The following CSMD3 variants were observed in gnomAD, a reference collection of about 807,000 sequenced individuals.
CSMD3 encodes CUB and sushi domain-containing protein 3.
A neutral mutation model predicts 435.2 loss-of-function variants in CSMD3; 177 were observed. The ratio of observed to expected loss-of-function variants is 0.41; its 90% CI spans 0.36 to 0.46. The LOEUF (loss-of-function observed/expected upper bound fraction) is 0.46, where lower values mean the gene tolerates loss of function less well. Ranked by LOEUF, CSMD3 falls within the 20% of genes least tolerant of loss-of-function variation. The pLI is 0.34. For missense variants in CSMD3, 4,265 were observed against 4,504.6 expected, an observed-to-expected ratio of 0.95 and a Z score of 1.52; for synonymous variants, 1,656 against 1,520.5, an observed-to-expected ratio of 1.09 and a Z score of -2.07.
chr8:112,949,541 T>A (rs1459792855), intron 8 of CSMD3, among the ~76,000 whole-genome samples: 1 of 152,056 alleles, frequency 6.6e-6, no homozygotes, highest in African/African-American at 2.4e-5. Context: ...TGACTTCTAA[T>A]TCTTTTGAAG....
intron 13 of CSMD3, among the ~76,000 whole-genome samples, chr8:112,786,958 C>G (rs1314593406): frequency 6.6e-6 from 1 of 152,054 alleles, no homozygotes; most frequent in Non-Finnish European, 1.5e-5. Flanking sequence ...TGTTCAACTC[C>G]CACTTATGAG....
At chr8:112,889,378 A>G (rs532421993) in intron 10 of CSMD3, among the ~76,000 whole-genome samples, 2 of 151,758 alleles carry the variant, frequency 1.3e-5, no homozygotes, top group East Asian at 2.0e-4. Flanking sequence ...ATTCTTCCAT[A>G]TCATTAAAGA....
chr8:113,236,522 A>G (rs533687781), intron 3 of CSMD3, among the ~76,000 whole-genome samples: 1 of 151,556 alleles, frequency 6.6e-6, no homozygotes, highest in Non-Finnish European at 1.5e-5. Context: ...GTCTCTCTCT[A>G]TCTCTCTCTC....
chr8:112,870,249 A>G (rs1406221347), intron 10 of CSMD3, among the ~76,000 whole-genome samples: 2 of 150,840 alleles, frequency 1.3e-5, no homozygotes, highest in African/African-American at 2.4e-5. Flanking sequence ...ATGAGACACC[A>G]TCTCACGTCA....
chr8:112,479,845 C>G (rs1819459712), intron 31 of CSMD3, among the ~76,000 whole-genome samples: 1 of 152,174 alleles, frequency 6.6e-6, no homozygotes, highest in Non-Finnish European at 1.5e-5. Flanking sequence ...AGTGCAATGC[C>G]AAGGGGAAAT....
intron 59 of CSMD3, among the ~76,000 whole-genome samples, chr8:112,266,020 G>A (rs910481787): frequency 6.6e-6 from 1 of 152,096 alleles, no homozygotes; most frequent in Non-Finnish European, 1.5e-5. Context: ...ATTTTCTGCA[G>A]TGTCACTCAG....
At chr8:112,342,648 G>A (rs772312893) in intron 41 of CSMD3, among the ~76,000 whole-genome samples, 7 of 151,966 alleles carry the variant, frequency 4.6e-5, no homozygotes, top group Non-Finnish European at 8.8e-5. Flanking sequence ...ACTGCAAACC[G>A]AGGCATTCAG....
chr8:112,665,050 CCTAA>C (rs747497829), intron 17 of CSMD3, among the ~76,000 whole-genome samples: 11 of 152,114 alleles, frequency 7.2e-5, no homozygotes, highest in Non-Finnish European at 1.2e-4. Context: ...GAAATGGCAA[CCTAA>C]CTAAGAGTAT....
chr8:112,245,395 T>A (rs1287429208), intron 64 of CSMD3, among the ~76,000 whole-genome samples: 4 of 152,124 alleles, frequency 2.6e-5, no homozygotes, highest in African/African-American at 9.7e-5. Context: ...ATAAAAGTGA[T>A]CTCTGAAAAA....
At chr8:112,499,873 C>A (rs1047917604) in intron 30 of CSMD3, among the ~76,000 whole-genome samples, 2 of 151,828 alleles carry the variant, frequency 1.3e-5, no homozygotes, top group Non-Finnish European at 2.9e-5. Context: ...AATCCCAGCT[C>A]TTGAGGAGGG....
At chr8:112,536,033 A>G (rs1262702707) in intron 27 of CSMD3, among the ~76,000 whole-genome samples, 2 of 152,176 alleles carry the variant, frequency 1.3e-5, no homozygotes, top group Non-Finnish European at 2.9e-5. Context: ...AAGATGGATT[A>G]AAGACTTAAA....
intron 5 of CSMD3, among the ~76,000 whole-genome samples, chr8:113,045,119 G>GA (rs1043498963): frequency 6.7e-6 from 1 of 148,708 alleles, no homozygotes; most frequent in Non-Finnish European, 1.5e-5. Context: ...TAAGGGTAGA[G>GA]AAAAAAAGTC....
intron 58 of CSMD3, among the ~76,000 whole-genome samples, chr8:112,285,963 C>T (rs1360452010): frequency 6.6e-6 from 1 of 152,048 alleles, no homozygotes; most frequent in African/African-American, 2.4e-5. Flanking sequence ...CTCAAGTGAT[C>T]CTCCTGCCTC....
At chr8:112,492,191 T>C (rs1820768803) in intron 31 of CSMD3, among the ~76,000 whole-genome samples, 1 of 152,150 alleles carries the variant, frequency 6.6e-6, no homozygotes, top group Non-Finnish European at 1.5e-5. Context: ...CCTAACGTTT[T>C]CAGGTGCAAG....
chr8:112,505,095 T>A (rs1053239041), intron 29 of CSMD3, among the ~76,000 whole-genome samples: 1 of 151,964 alleles, frequency 6.6e-6, no homozygotes, highest in Non-Finnish European at 1.5e-5. Flanking sequence ...GAAAGAAGAG[T>A]CCAGCTGCTC....
At chr8:113,338,360 C>A (rs576307676) in intron 1 of CSMD3, among the ~76,000 whole-genome samples, 4 of 151,866 alleles carry the variant, frequency 2.6e-5, no homozygotes, top group African/African-American at 7.2e-5. Context: ...AGAGTACCAT[C>A]TGACCCAGAA....
At chr8:112,726,315 A>G (rs1282598453) in intron 13 of CSMD3, among the ~76,000 whole-genome samples, 1 of 151,938 alleles carries the variant, frequency 6.6e-6, no homozygotes, top group Non-Finnish European at 1.5e-5. Context: ...CTGCTGAAAA[A>G]TAACTATATA....
Position 112,255,435 on chromosome 8 carries a change from TGAAAA to T in CSMD3, c.9863-13_9863-9del. ...GGTCACCACAAAACTTTGCTGGAAA[TGAAAA>T]GAAAGACGCTTATATCAAAGATTTA... is the stretch of plus-strand genomic sequence containing the variant. On this transcript the variant is annotated splice_polypyrimidine_tract_variant and intron_variant, in intron 61 of 70. Coordinates refer to ENST00000297405, the MANE Select transcript of CSMD3 (RefSeq NM_198123.2). The T allele has an allele frequency of 6.2e-7, 1 of 1,613,366 alleles. No individual in the cohort carries two copies. Among genetic ancestry groups the T allele is most frequent in the East Asian group, 2.2e-5 (1 of 44,824 alleles).
At chr8:112,499,290 C>G (rs1378278620) in intron 30 of CSMD3, among the ~76,000 whole-genome samples, 1 of 151,972 alleles carries the variant, frequency 6.6e-6, no homozygotes, top group Admixed American at 6.6e-5. Context: ...TTATATGCAC[C>G]TGAAAGCAGG....
Sources: allele counts gnomAD v4.1 joint callset (sites outside exome capture counted in the v4.1 genomes callset), GRCh38; gene constraint gnomAD v4.1.1; transcripts MANE v1.5; gene names NCBI Gene and HGNC (gene_info 2026-07-23, HGNC 2026-07-21).